COL5A3: variants seen among roughly 807,000 people sequenced by gnomAD.
COL5A3 encodes the protein collagen type V alpha 3 chain.
In COL5A3, 172 loss-of-function variants were observed where a neutral mutation model predicts 250.0. The ratio of observed to expected loss-of-function variants is 0.69; its 90% CI spans 0.61 to 0.78. COL5A3 has a LOEUF of 0.78. COL5A3 is among the 30% of genes least tolerant of loss of function. COL5A3 has a pLI of 0.00. For missense variants in COL5A3, 2,340 were observed against 2,334.4 expected (o/e 1.00, Z -0.05); for synonymous variants, 937 against 900.4 (o/e 1.04, Z -0.73).
intron 44 of COL5A3, 23 bp from the exon 45 acceptor site, chr19:9,976,634 C>A (rs763817713): frequency 3.8e-6 from 6 of 1,564,700 alleles, no homozygotes; most frequent in Middle Eastern, 1.7e-4. Flanking sequence ...GAAACAGAAT[C>A]AAAAATTCCC....
Position 9,986,722 on chromosome 19 carries a change from C to T in COL5A3, c.2182G>A (p.Gly728Ser). 6.2e-7 allele frequency: 1 copy of T among 1,613,614 alleles called. No individual in the cohort carries two copies. Among genetic ancestry groups the T allele is most frequent in the Non-Finnish European group, 8.5e-7 (1 of 1,179,966 alleles). The stretch of plus-strand genomic sequence containing the variant: ...GTTCCTTCTCTCCTCACCTTCTCGC[C>T]TTTCTCCCCCTGGAGGCCCCGGTTG... The part of the protein sequence containing the change: ...SGNRGLQGEK[G>S]EKGEDGFPGF... Residue 728 changes from glycine (G) to serine (S), a missense_variant, in exon 28 of 67, where the codon GGC becomes AGC. Physicochemically the swap from Gly to Ser is moderately conservative, Grantham distance 56 (BLOSUM62 0). Around this residue, in one of 3 missense-constraint regions of COL5A3, gnomAD observed 1,152 missense variants for 1,146.3 expected, o/e 1.00. Coordinates refer to ENST00000264828, the MANE Select transcript of COL5A3 (RefSeq NM_015719.4).
At chr19:9,980,082 C>T (rs11882346) in intron 35 of COL5A3, 35 bp from the exon 36 acceptor site, 85,603 of 1,562,712 alleles carry the variant, frequency 0.055, 2,972 homozygotes, top group African/African-American at 0.16. Flanking sequence ...TCTCATCCCC[C>T]CTGCCTCCCT....
Position 9,973,981 on chromosome 19 carries a change from G to T in COL5A3, c.3505-9C>A. 1.3e-6 allele frequency: 2 copies of T among 1,532,678 alleles called. No individual in the cohort carries two copies. Among genetic ancestry groups the T allele is most frequent in the Non-Finnish European group, 1.8e-6 (2 of 1,140,674 alleles). 94.9% of individuals were successfully genotyped at this position (1,532,678 alleles called of 1,614,324 possible). A position where few individuals can be genotyped will look rare whatever the true frequency, so the allele number is the denominator to read the frequency against. On this transcript the variant is annotated splice_polypyrimidine_tract_variant and intron_variant, in intron 47 of 66. Transcript: ENST00000264828. ...GGAGCTCCATGGGGACCCTGTGGAAGGTCAGAATTAGTACCCAGTGACCCC... is the reference window on the plus strand; with the variant it reads ...GGAGCTCCATGGGGACCCTGTGGAATGTCAGAATTAGTACCCAGTGACCCC...
Position 9,979,899 on chromosome 19 carries a change from G to A in COL5A3, c.2659-7C>T. On this transcript the variant is annotated splice_polypyrimidine_tract_variant and splice_region_variant and intron_variant, in intron 36 of 66. Coordinates refer to ENST00000264828, the MANE Select transcript of COL5A3 (RefSeq NM_015719.4). ...CATCTTTACCTTGGTGACCCTGGGG[G>A]ATGAGGTGGGAAAAAGTTGGGGCAC... is the stretch of plus-strand genomic sequence containing the variant. 2 of 1,571,170 alleles carry A rather than the reference G, an allele frequency of 1.3e-6. No homozygotes were observed. Among genetic ancestry groups the A allele is most frequent in the South Asian group, 1.2e-5 (1 of 83,266 alleles).
chr19:9,968,461 G>T lies in COL5A3; in HGVS notation c.4238C>A (p.Pro1413His), dbSNP rs1353615152. The change falls in exon 59 of 67, where the codon CCC becomes CAC. Residue 1413 changes from proline (P) to histidine (H), a missense_variant. Transcript: ENST00000264828. This position sits in a 1 kb window ranked among gnomAD's most constrained non-coding sequence, Gnocchi z 4.1. Reference protein sequence around the residue: ...GHIGLIGLIGPPGEAGEKGDQ... With the variant: ...GHIGLIGLIGHPGEAGEKGDQ... ...TCCTTTCTCACCAGCTTCTCCCGGG[G>T]GGCCAATGAGACCGATCAATCCAAT... The T allele has an allele frequency of 6.3e-7, 1 of 1,587,794 alleles. No individual in the cohort carries two copies. The highest frequency in any genetic ancestry group is 2.2e-5 in the East Asian group (1 of 44,578).
chr19:9,963,256 T>C (rs2086695610), intron 64 of COL5A3, among the ~76,000 whole-genome samples: 1 of 152,026 alleles, frequency 6.6e-6, no homozygotes, highest in South Asian at 2.1e-4. Flanking sequence ...AGGATCTCAC[T>C]CTGTCACCCA....
chr19:9,982,364 C>T (rs1394959041), intron 31 of COL5A3, among the ~76,000 whole-genome samples: 1 of 152,124 alleles, frequency 6.6e-6, no homozygotes, highest in African/African-American at 2.4e-5. Flanking sequence ...TCTCCTAGGC[C>T]TCCACAAAGT....
Position 9,968,675 on chromosome 19 carries a change from C to G in COL5A3, c.4206G>C (p.Lys1402Asn), listed in dbSNP as rs1025675956. 6.2e-7 allele frequency: 1 copy of G among 1,606,854 alleles called. No individual in the cohort carries two copies. The highest frequency in any genetic ancestry group is 8.5e-7 in the Non-Finnish European group (1 of 1,177,276). ...GAGAATAATGGAATGATGTCCTTACCTTTTCCCCCTTGGGGCCAGTGTCTC... is the reference window on the plus strand; with the variant it reads ...GAGAATAATGGAATGATGTCCTTACGTTTTCCCCCTTGGGGCCAGTGTCTC... ...LKGDTGPKGE[K>N]GHIGLIGLIG... is the part of the protein sequence containing the mutation. The change falls in exon 58 of 67, where the codon AAG becomes AAC. Residue 1402 changes from lysine (K) to asparagine (N), a missense_variant and splice_region_variant. Coordinates refer to ENST00000264828, the MANE Select transcript of COL5A3 (RefSeq NM_015719.4). The surrounding 1 kb of genome is among the most constrained non-coding windows in gnomAD (Gnocchi z 4.1).
chr19:10,002,624 A>G (rs1252920930), intron 6 of COL5A3, among the ~76,000 whole-genome samples: 9 of 152,096 alleles, frequency 5.9e-5, no homozygotes, highest in African/African-American at 1.7e-4. Flanking sequence ...AACCAGTGAC[A>G]TCTCTTGGCT....
rs781571073 is a variant in COL5A3 at position 9,980,629 on chromosome 19, CA to C, written c.2604+18del. 2 of 1,611,350 alleles carry C rather than the reference CA, an allele frequency of 1.2e-6. No homozygotes were observed. Among genetic ancestry groups the C allele is most frequent in the African/African-American group, 2.7e-5 (2 of 74,776 alleles). ...ACACACACACACATTCACACACACA[CA>C]CACACACACACACTCACCTTTTCTC... On this transcript the variant is annotated intron_variant, in intron 35 of 66. Transcript: ENST00000264828.
rs1406644175 is a variant in COL5A3, at chr19:9,979,900, A to G, written c.2659-8T>C. ...ATCTTTACCTTGGTGACCCTGGGGG[A>G]TGAGGTGGGAAAAAGTTGGGGCACA... On this transcript the variant is annotated splice_polypyrimidine_tract_variant and splice_region_variant and intron_variant, in intron 36 of 66. Transcript: ENST00000264828. 1.3e-6 allele frequency: 2 copies of G among 1,570,034 alleles called. No individual in the cohort carries two copies. Among genetic ancestry groups the G allele is most frequent in the Non-Finnish European group, 1.7e-6 (2 of 1,165,362 alleles).
At chr19:9,981,963 T>A in intron 32 of COL5A3, 102 bp downstream of exon 32, 1 of 875,818 alleles carries the variant, frequency 1.1e-6, no homozygotes, top group Non-Finnish European at 1.9e-6. Flanking sequence ...GTTCCAGGCA[T>A]AGACACAAAC....
chr19:9,996,548 C>G, intron 12 of COL5A3, 32 bp from the exon 13 acceptor site: 4 of 1,613,628 alleles, frequency 2.5e-6, no homozygotes, highest in Non-Finnish European at 3.4e-6. Context: ...GGGAAGCCCC[C>G]AGGAGAGGCC....
chr19:9,966,482 C>T, intron 63 of COL5A3, 54 bp downstream of exon 63: 2 of 1,547,236 alleles, frequency 1.3e-6, no homozygotes, highest in Non-Finnish European at 1.8e-6. Context: ...CGGACCCCAA[C>T]CCCCCCCACA....
At position 10,001,578 on chromosome 19, in the gene COL5A3, G is replaced by A. The variant is rs1318021823; in HGVS notation, c.1056C>T (p.Gly352=). ...GATATTCTGCTGCCCGGAAGTCAGG[G>A]CCCATGGTGGAATCATCTCCTTCTT... ...EDEEGDDSTM[G]PDFRAAEYPS... The change falls in exon 8 of 67, where the codon GGC becomes GGT. Residue 352 remains glycine (G), a synonymous_variant. Transcript: ENST00000264828. 1 of 1,614,068 alleles carries A rather than the reference G, an allele frequency of 6.2e-7. No individual in the cohort carries two copies. The highest frequency in any genetic ancestry group is 2.2e-5 in the East Asian group (1 of 44,874).
rs2145142594 is a variant in COL5A3, at chr19:10,003,692, G to A, written c.722C>T (p.Thr241Ile). Residue 241 changes from threonine to isoleucine, a missense_variant, in exon 6 of 67, where the codon ACC becomes ATC. Physicochemically the swap from Thr to Ile is moderately conservative, Grantham distance 89. Transcript: ENST00000264828. ...ATVAPQGEPE[T>I]PRPRRKGKGK... ...CTTCCCCTTCCGCCGAGGACGAGGGGTTTCTGGTTCACCCTGGGGAGCCTG... is the reference window on the plus strand; with the variant it reads ...CTTCCCCTTCCGCCGAGGACGAGGGATTTCTGGTTCACCCTGGGGAGCCTG... 1 of 1,614,112 alleles carries A rather than the reference G, an allele frequency of 6.2e-7. No homozygotes were observed. Among genetic ancestry groups the A allele is most frequent in the Non-Finnish European group, 8.5e-7 (1 of 1,180,036 alleles).
At chr19:9,972,799 G>A (rs548584277) in intron 51 of COL5A3, 120 bp downstream of exon 51, 375 of 638,940 alleles carry the variant, frequency 5.9e-4, no homozygotes, top group Admixed American at 1.8e-3. Flanking sequence ...TCGTGCCACT[G>A]CACTCCAGCC....
intron 1 of COL5A3, among the ~76,000 whole-genome samples, chr19:10,008,452 G>T (rs1274638188): frequency 6.7e-6 from 1 of 150,060 alleles, no homozygotes; most frequent in Non-Finnish European, 1.5e-5. Context: ...GGGTGGGGGG[G>T]TCTGTCAGGG....
intron 1 of COL5A3, among the ~76,000 whole-genome samples, 163 bp from the exon 2 acceptor site, chr19:10,006,394 G>A (rs979736784): frequency 1.3e-4 from 20 of 151,700 alleles, no homozygotes; most frequent in Non-Finnish European, 2.6e-4. Flanking sequence ...TGGGCCCCCA[G>A]CACCCCCCGC....
Sources: gnomAD v4.1 joint callset for allele counts (sites outside exome capture counted in the v4.1 genomes callset) on GRCh38, gnomAD v4.1.1 for gene constraint, gnomAD v4.1.1 regional missense constraint, Gnocchi (gnomAD v3.1) non-coding constraint, MANE v1.5 for transcripts, NCBI Gene and HGNC (gene_info 2026-07-23, HGNC 2026-07-21) for gene names.